The following GRIA1 variants were observed in gnomAD, a reference collection of about 807,000 sequenced individuals.
The protein encoded by GRIA1 is glutamate ionotropic receptor AMPA type subunit 1, also known as glutamate receptor 1.
A neutral mutation model predicts 99.2 loss-of-function variants in GRIA1; 31 were observed. That is an observed-to-expected ratio of 0.31 (90% CI 0.23 to 0.42). The LOEUF is 0.42. Among genes scored for constraint, GRIA1 ranks in the 10% least tolerant of loss-of-function variants. The probability of loss-of-function intolerance (pLI) is 1.00; values close to 1 mark genes in which losing one functional copy is unlikely to be tolerated. For missense variants in GRIA1, 782 were observed against 1,157.5 expected (o/e 0.68, Z 4.71); for synonymous variants, 438 against 432.4 (o/e 1.01, Z -0.16).
At chr5:153,648,477 G>A (rs950934253) in intron 3 of GRIA1, among the ~76,000 whole-genome samples, 1 of 152,166 alleles carries the variant, frequency 6.6e-6, no homozygotes, top group Non-Finnish European at 1.5e-5. Context: ...CCGTTTGTCA[G>A]CTGTGTGACC....
chr5:153,589,984 C>T (rs753959815), intron 2 of GRIA1, among the ~76,000 whole-genome samples: 7 of 152,048 alleles, frequency 4.6e-5, no homozygotes, highest in African/African-American at 1.7e-4. Flanking sequence ...AAACAAATAC[C>T]ATTGTTTCTA....
At chr5:153,694,632 G>T (rs894812459) in intron 8 of GRIA1, among the ~76,000 whole-genome samples, 2 of 152,226 alleles carry the variant, frequency 1.3e-5, no homozygotes, top group Non-Finnish European at 2.9e-5. Context: ...AGGGACTGAG[G>T]ACCACAGAGG....
chr5:153,607,150 A>G (rs1202973157), intron 2 of GRIA1, among the ~76,000 whole-genome samples: 3 of 150,936 alleles, frequency 2.0e-5, no homozygotes, highest in African/African-American at 4.8e-5. Context: ...TTGTGCCGCT[A>G]TAAACATGCA....
At chr5:153,625,687 A>G (rs999306391) in intron 2 of GRIA1, among the ~76,000 whole-genome samples, 2 of 152,214 alleles carry the variant, frequency 1.3e-5, no homozygotes, top group African/African-American at 4.8e-5. Context: ...TCAGAATAAA[A>G]CTTCATGGCA....
intron 5 of GRIA1, among the ~76,000 whole-genome samples, chr5:153,671,685 A>G (rs1344943499): frequency 6.6e-6 from 1 of 152,224 alleles, no homozygotes; most frequent in Non-Finnish European, 1.5e-5. Flanking sequence ...CTCCTGGATA[A>G]TTGGCTTTCT....
At chr5:153,607,042 G>GATATAT (rs59233877) in intron 2 of GRIA1, among the ~76,000 whole-genome samples, 1,444 of 127,728 alleles carry the variant, frequency 0.011, 15 homozygotes, top group Non-Finnish European at 0.016. Context: ...TATCACAAAA[G>GATATAT]ATATATATAT....
At chr5:153,509,734 T>C (rs970655153) in intron 2 of GRIA1, among the ~76,000 whole-genome samples, 2 of 152,186 alleles carry the variant, frequency 1.3e-5, no homozygotes, top group South Asian at 2.1e-4. Flanking sequence ...GCAGTAATCA[T>C]ACACTCCTTT....
intron 11 of GRIA1, among the ~76,000 whole-genome samples, chr5:153,749,736 TA>T (rs1462072604): frequency 6.6e-6 from 1 of 151,840 alleles, no homozygotes; most frequent in Non-Finnish European, 1.5e-5. Flanking sequence ...ACATCCAAAC[TA>T]TATCAGAGAG....
intron 2 of GRIA1, among the ~76,000 whole-genome samples, chr5:153,620,431 G>T (rs1363239607): frequency 1.3e-5 from 2 of 152,162 alleles, no homozygotes; most frequent in Non-Finnish European, 2.9e-5. Flanking sequence ...AGACTTATCT[G>T]ATCCAGAGAA....
rs555867545 is a variant in GRIA1 at position 153,642,573 on chromosome 5, C to G, written c.221-4355C>G. Among the ~76,000 whole-genome samples, 171 of 151,194 alleles carry G rather than the reference C, an allele frequency of 1.1e-3. 1 individual carries two copies. The South Asian group carries it at 0.015, about 14-fold the overall frequency. ...GAGATCTCAACTCTACAGTTTGGAG[C>G]TGCAGTGAGCCATGATGGCACCACT... On this transcript the variant is annotated intron_variant, in intron 2 of 15. Coordinates refer to ENST00000285900, the MANE Select transcript of GRIA1 (RefSeq NM_000827.4).
At chr5:153,556,876 T>C (rs1209618477) in intron 2 of GRIA1, among the ~76,000 whole-genome samples, 1 of 152,106 alleles carries the variant, frequency 6.6e-6, no homozygotes, top group Non-Finnish European at 1.5e-5. Flanking sequence ...TATCACAGAG[T>C]GTTACTTACA....
chr5:153,692,841 G>T (rs13162978), intron 8 of GRIA1, among the ~76,000 whole-genome samples: 14,215 of 152,078 alleles, frequency 0.093, 811 homozygotes, highest in Non-Finnish European at 0.12. Flanking sequence ...AATGTTTCTG[G>T]GCAATCAGAG....
intron 12 of GRIA1, among the ~76,000 whole-genome samples, chr5:153,768,367 G>A (rs189991593): frequency 4.4e-4 from 67 of 152,226 alleles, no homozygotes; most frequent in Non-Finnish European, 2.6e-4. Context: ...CCTATGGAAT[G>A]GATGGGGAAA....
intron 12 of GRIA1, among the ~76,000 whole-genome samples, chr5:153,767,976 A>G (rs1401733677): frequency 1.3e-5 from 2 of 152,178 alleles, no homozygotes; most frequent in African/African-American, 2.4e-5. Context: ...AATTTTCTGC[A>G]TACTGTTGCC....
chr5:153,497,381 T>A (rs1754545290), intron 2 of GRIA1, among the ~76,000 whole-genome samples: 1 of 152,232 alleles, frequency 6.6e-6, no homozygotes, highest in African/African-American at 2.4e-5. Context: ...CTGAGTAGCA[T>A]AGTTGCAGCT....
At chr5:153,526,304 T>C (rs1317925606) in intron 2 of GRIA1, among the ~76,000 whole-genome samples, 1 of 152,190 alleles carries the variant, frequency 6.6e-6, no homozygotes, top group Admixed American at 6.6e-5. Flanking sequence ...GCATTATTAT[T>C]TGAAGAAGTA....
intron 7 of GRIA1, among the ~76,000 whole-genome samples, chr5:153,683,433 C>G (rs1422027864): frequency 6.6e-6 from 1 of 152,148 alleles, no homozygotes; most frequent in Admixed American, 6.6e-5. Context: ...GCGCCATCAG[C>G]TCTGAGTCTC....
At chr5:153,723,585 G>A (rs1295877050) in intron 11 of GRIA1, among the ~76,000 whole-genome samples, 1 of 152,198 alleles carries the variant, frequency 6.6e-6, no homozygotes, top group Admixed American at 6.5e-5. Flanking sequence ...CGCACCAGGA[G>A]ATTATATCCC....
At chr5:153,706,994 C>T (rs757632567) in intron 11 of GRIA1, among the ~76,000 whole-genome samples, 7 of 151,880 alleles carry the variant, frequency 4.6e-5, no homozygotes, top group South Asian at 2.1e-4. Context: ...GGCAGGTGCC[C>T]GTAATTCCAG....
Sources: allele counts gnomAD v4.1 joint callset (sites outside exome capture counted in the v4.1 genomes callset), GRCh38; gene constraint gnomAD v4.1.1; transcripts MANE v1.5; gene names NCBI Gene and HGNC (gene_info 2026-07-23, HGNC 2026-07-21).